Variants in SFXN5 observed in about 807,000 individuals in gnomAD.
SFXN5 encodes sideroflexin 5.
In SFXN5, 43 loss-of-function variants were observed where a neutral mutation model predicts 50.2. The observed-to-expected ratio is 0.86, with a 90% CI of 0.67 to 1.11. The LOEUF (loss-of-function observed/expected upper bound fraction) is 1.11. SFXN5 is among the 50% of genes least tolerant of loss of function. The pLI, the probability that SFXN5 is intolerant of heterozygous loss-of-function variation, is 0.00. For missense variants in SFXN5, 463 were observed against 454.1 expected (o/e 1.02, Z -0.18); for synonymous variants, 203 against 185.8 (o/e 1.09, Z -0.75).
chr2:73,063,797 T>C (rs1682987029), intron 1 of SFXN5, among the ~76,000 whole-genome samples: 1 of 152,214 alleles, frequency 6.6e-6, no homozygotes, highest in Admixed American at 6.5e-5. Flanking sequence ...ACATTCTTTC[T>C]TTGCAGCTGG....
chr2:73,027,064 A>AT (rs991616799), intron 3 of SFXN5, among the ~76,000 whole-genome samples: 6 of 140,546 alleles, frequency 4.3e-5, no homozygotes, highest in South Asian at 4.7e-4. Flanking sequence ...TTCTATTTAT[A>AT]TTTAAAAAAA....
At chr2:72,959,367 T>C (rs1234812435) in intron 13 of SFXN5, among the ~76,000 whole-genome samples, 1 of 152,008 alleles carries the variant, frequency 6.6e-6, no homozygotes, top group Non-Finnish European at 1.5e-5. Context: ...AAAGGATCTG[T>C]GGCCCTCCCT....
intron 12 of SFXN5, among the ~76,000 whole-genome samples, chr2:72,962,358 A>G (rs1011966828): frequency 2.0e-4 from 30 of 152,256 alleles, no homozygotes. Context: ...GGCGGGCAGT[A>G]AACCCCATAT....
At chr2:73,031,945 G>C (rs944478044) in intron 3 of SFXN5, among the ~76,000 whole-genome samples, 1 of 152,194 alleles carries the variant, frequency 6.6e-6, no homozygotes, top group East Asian at 1.9e-4. Context: ...CGGTGTATGA[G>C]GCCACGCCCA....
rs746558018 is a variant in SFXN5 at position 73,071,595 on chromosome 2, G to T, written c.102+9C>A. Reference sequence around the variant, plus strand: ...CCCGCCGGCCCGCAGACCACAGCCCGGTCCTCACCTGCTGGAAGCGGGGTT... The same window carrying T: ...CCCGCCGGCCCGCAGACCACAGCCCTGTCCTCACCTGCTGGAAGCGGGGTT... On this transcript the variant is annotated intron_variant, in intron 1 of 13. Transcript: ENST00000272433. The T allele has an allele frequency of 6.2e-7, 1 of 1,612,570 alleles. No individual in the cohort carries two copies. Among genetic ancestry groups the T allele is most frequent in the Non-Finnish European group, 8.5e-7 (1 of 1,179,252 alleles).
At chr2:72,964,582 C>T (rs1674150641) in intron 12 of SFXN5, among the ~76,000 whole-genome samples, 1 of 151,230 alleles carries the variant, frequency 6.6e-6, no homozygotes, top group South Asian at 2.1e-4. Flanking sequence ...CCTCAGCTCA[C>T]TCTGCTACAC....
At chr2:73,057,988 G>C (rs1230129462) in intron 2 of SFXN5, 1 of 152,188 alleles carries the variant, frequency 6.6e-6, no homozygotes, top group African/African-American at 2.4e-5. Context: ...AGCAGTATGA[G>C]ACCGGACTAA....
At chr2:72,990,951 C>A (rs1466382610) in intron 9 of SFXN5, among the ~76,000 whole-genome samples, 4 of 152,202 alleles carry the variant, frequency 2.6e-5, no homozygotes, top group Non-Finnish European at 5.9e-5. Flanking sequence ...ACCATCCCTG[C>A]CCCCAGCAGC....
intron 6 of SFXN5, among the ~76,000 whole-genome samples, chr2:73,006,003 A>G (rs2105732729): frequency 6.6e-6 from 1 of 152,208 alleles, no homozygotes; most frequent in Non-Finnish European, 1.5e-5. Flanking sequence ...TCATCACAGA[A>G]GGAATTTATT....
At chr2:73,026,289 G>C (rs191731667) in intron 3 of SFXN5, among the ~76,000 whole-genome samples, 5 of 151,334 alleles carry the variant, frequency 3.3e-5, no homozygotes, top group African/African-American at 1.2e-4. Context: ...CACCATGCCT[G>C]GCTAATTTTT....
At position 73,047,265 on chromosome 2, in the gene SFXN5, TATATATATATAC is replaced by T. The variant is rs1452965326; in HGVS notation, c.172-6346_172-6335del. 3.4e-3 allele frequency among the ~76,000 whole-genome samples: 266 copies of T among 78,352 alleles called. 9 individuals carry two copies. Among genetic ancestry groups the T allele is most frequent in the African/African-American group, 0.011 (203 of 19,096 alleles). 51.4% of individuals were successfully genotyped at this position (78,352 alleles called of 152,430 possible). A position where few individuals can be genotyped will look rare whatever the true frequency, so the allele number is the denominator to read the frequency against. On this transcript the variant is annotated intron_variant, in intron 2 of 13. Transcript: ENST00000272433. Reference sequence around the variant, plus strand: ...AAAAAAATATATATATATATATATATATATATATATACACACATATATATATATATATAAAAT... The same window carrying T: ...AAAAAAATATATATATATATATATATACACATATATATATATATATAAAAT...
At chr2:73,052,953 A>G (rs1252868765) in intron 2 of SFXN5, among the ~76,000 whole-genome samples, 1 of 152,194 alleles carries the variant, frequency 6.6e-6, no homozygotes, top group Non-Finnish European at 1.5e-5. Context: ...CAAGGCGGGC[A>G]GATCACTTGA....
chr2:73,025,691 T>C (rs1677464238), intron 3 of SFXN5, among the ~76,000 whole-genome samples: 1 of 151,302 alleles, frequency 6.6e-6, no homozygotes, highest in Admixed American at 6.6e-5. Context: ...CTGCAGAGGG[T>C]GGAAGGACAC....
chr2:73,010,686 G>A lies in SFXN5; in HGVS notation c.358-9108C>T, dbSNP rs376161183. On this transcript the variant is annotated intron_variant, in intron 6 of 13. Coordinates refer to ENST00000272433, the MANE Select transcript of SFXN5 (RefSeq NM_144579.3). ...AATGGCAAAATTTGGCAAAATTGTA[G>A]AGGTCACTTTCTCTGAAAATAAGAT... Among the ~76,000 whole-genome samples the A allele has an allele frequency of 2.0e-5, 3 of 152,292 alleles. No individual in the cohort carries two copies. In the East Asian group the frequency reaches 5.8e-4, roughly 29 times the overall value.
chr2:73,019,837 T>C (rs1272217775), intron 6 of SFXN5: 4 of 185,864 alleles, frequency 2.2e-5, no homozygotes, highest in Non-Finnish European at 3.3e-5. Flanking sequence ...ATCCTGATTC[T>C]AAAACTGAAC....
intron 1 of SFXN5, among the ~76,000 whole-genome samples, chr2:73,060,992 C>T (rs1432292598): frequency 4.0e-5 from 6 of 151,680 alleles, no homozygotes; most frequent in Non-Finnish European, 7.4e-5. Flanking sequence ...TGAGCCACCG[C>T]GCCTGGCCAA....
intron 2 of SFXN5, chr2:73,041,595 C>T (rs1044661274): frequency 2.5e-6 from 1 of 404,138 alleles, no homozygotes. Context: ...GAGGCTGAGG[C>T]AGGAAAATCA....
At chr2:72,993,363 G>A (rs1274067051) in intron 9 of SFXN5, among the ~76,000 whole-genome samples, 2 of 152,184 alleles carry the variant, frequency 1.3e-5, no homozygotes, top group African/African-American at 4.8e-5. Flanking sequence ...CTTGGCAATG[G>A]GGTCAGCAGC....
At chr2:73,000,369 G>A (rs1398511141) in intron 8 of SFXN5, 62 bp downstream of exon 8, 1 of 1,484,624 alleles carries the variant, frequency 6.7e-7, no homozygotes, top group Non-Finnish European at 9.2e-7. Context: ...CACGCTGTAG[G>A]GAGGATGACT....
Sources: gnomAD v4.1 joint callset for allele counts (sites outside exome capture counted in the v4.1 genomes callset) on GRCh38, gnomAD v4.1.1 for gene constraint, MANE v1.5 for transcripts, NCBI Gene and HGNC (gene_info 2026-07-23, HGNC 2026-07-21) for gene names.